USP24: variants seen among roughly 807,000 people sequenced by gnomAD.
The protein encoded by USP24 is ubiquitin carboxyl-terminal hydrolase 24.
USP24 carries 97 observed loss-of-function variants against 361.6 expected under a neutral mutation model. The ratio of observed to expected loss-of-function variants is 0.27; its 90% CI spans 0.23 to 0.32. The LOEUF is 0.32. USP24 is among the 10% of genes least tolerant of loss of function. The pLI is 1.00. For synonymous variants in USP24, 1,098 were observed against 1,124.6 expected, an observed-to-expected ratio of 0.98 and a Z score of 0.47; for missense variants, 2,353 against 3,165.6, an observed-to-expected ratio of 0.74 and a Z score of 6.16.
At chr1:55,126,973 ATT>A (rs1646449071) in intron 32 of USP24, among the ~76,000 whole-genome samples, 1 of 152,082 alleles carries the variant, frequency 6.6e-6, no homozygotes, top group Non-Finnish European at 1.5e-5. Context: ...TTTTATCTTT[ATT>A]CTTTTCTCCT....
Position 55,128,061 on chromosome 1 carries a change from A to G in USP24, c.3635+1416T>C, listed in dbSNP as rs558024378. On this transcript the variant is annotated intron_variant, in intron 32 of 67. Transcript: ENST00000294383. Reference sequence around the variant, plus strand: ...TTCACATGACTCAGAAGGACCTTGTATACAAACAAACTTATTTCTCTTGCT... The same window carrying G: ...TTCACATGACTCAGAAGGACCTTGTGTACAAACAAACTTATTTCTCTTGCT... 1.4e-4 allele frequency among the ~76,000 whole-genome samples: 21 copies of G among 152,350 alleles called. 1 individual carries two copies. In the South Asian group the frequency reaches 4.3e-3, roughly 32 times the overall value.
intron 1 of USP24, among the ~76,000 whole-genome samples, chr1:55,198,872 T>G (rs1290484550): frequency 6.6e-6 from 1 of 152,222 alleles, no homozygotes; most frequent in Non-Finnish European, 1.5e-5. Flanking sequence ...AATAATAAAA[T>G]ATCCTTGGGT....
At chr1:55,207,975 A>G (rs1241471394) in intron 1 of USP24, among the ~76,000 whole-genome samples, 1 of 152,244 alleles carries the variant, frequency 6.6e-6, no homozygotes, top group Non-Finnish European at 1.5e-5. Flanking sequence ...GAACAATCAC[A>G]TCTTCAACTC....
intron 12 of USP24, among the ~76,000 whole-genome samples, chr1:55,156,404 G>A (rs1246472592): frequency 6.6e-6 from 1 of 151,958 alleles, no homozygotes; most frequent in Non-Finnish European, 1.5e-5. Context: ...TAAAGTCAAA[G>A]TAGAAGAGAA....
intron 1 of USP24, among the ~76,000 whole-genome samples, chr1:55,191,829 T>C (rs542224619): frequency 2.3e-4 from 35 of 152,264 alleles, no homozygotes; most frequent in African/African-American, 7.2e-4. Flanking sequence ...TTTCATGGAA[T>C]TGATACACAG....
At chr1:55,081,891 A>G (rs1645156083) in intron 58 of USP24, among the ~76,000 whole-genome samples, 1 of 152,262 alleles carries the variant, frequency 6.6e-6, no homozygotes, top group Admixed American at 6.5e-5. Context: ...AAAAGTAGAA[A>G]TGTGCTCCAC....
Position 55,083,306 on chromosome 1 carries a change from C to T in USP24, c.6941G>A (p.Ser2314Asn). ...TTGCCGACTGGCCCCTAGGAGGAAGCTGATCATGTGCCGCAGAGCTGAATG... is the reference window on the plus strand; with the variant it reads ...TTGCCGACTGGCCCCTAGGAGGAAGTTGATCATGTGCCGCAGAGCTGAATG... ...LRHSALRHMISFLLGASRQNN... is the reference protein window; with the variant it reads ...LRHSALRHMINFLLGASRQNN... The change falls in exon 58 of 68, where the codon AGC becomes AAC. Residue 2314 changes from serine (S) to asparagine (N), a missense_variant. Ser to Asn is a conservative substitution (Grantham distance 46). Around this residue, in one of 8 missense-constraint regions of USP24, gnomAD observed 598 missense variants for 761.9 expected, o/e 0.78. Coordinates refer to ENST00000294383, the MANE Select transcript of USP24 (RefSeq NM_015306.3). The T allele has an allele frequency of 6.2e-7, 1 of 1,613,732 alleles. No homozygotes were observed. Among genetic ancestry groups the T allele is most frequent in the Non-Finnish European group, 8.5e-7 (1 of 1,179,706 alleles).
At chr1:55,097,804 TCTGA>T in intron 47 of USP24, 87 bp from the exon 48 acceptor site, 1 of 1,502,406 alleles carries the variant, frequency 6.7e-7, no homozygotes, top group South Asian at 1.4e-5. Context: ...CAAAGGCCTT[TCTGA>T]TCCATGTGAA....
In USP24 at chr1:55,072,385, T is replaced by A; in HGVS notation, c.7621A>T (p.Thr2541Ser). 1 of 1,613,400 alleles carries A rather than the reference T, an allele frequency of 6.2e-7. No homozygotes were observed. The highest frequency in any genetic ancestry group is 8.5e-7 in the Non-Finnish European group (1 of 1,179,718). The change falls in exon 66 of 68, where the codon ACA becomes TCA. Residue 2541 changes from threonine (T) to serine (S), a missense_variant. Thr to Ser is a moderately conservative substitution (Grantham distance 58). Transcript: ENST00000294383. ...LQKKMSEHYWTPQSNVSNETS... is the reference protein window; with the variant it reads ...LQKKMSEHYWSPQSNVSNETS... ...TCATTAGAGACATTACTCTGTGGTG[T>A]CCAGTAATGTTCTGACATCTGAGAT...
At chr1:55,193,046 G>A (rs1644330411) in intron 1 of USP24, among the ~76,000 whole-genome samples, 1 of 152,104 alleles carries the variant, frequency 6.6e-6, no homozygotes, top group Admixed American at 6.6e-5. Flanking sequence ...GTATTGAACG[G>A]ATCTAGACAT....
chr1:55,101,362 T>C (rs1296085963), intron 43 of USP24, among the ~76,000 whole-genome samples: 1 of 152,214 alleles, frequency 6.6e-6, no homozygotes, highest in African/African-American at 2.4e-5. Context: ...AAAATCACAT[T>C]AGGTCAAGTC....
Position 55,095,279 on chromosome 1 carries a change from C to T in USP24, c.6179G>A (p.Arg2060Gln), listed in dbSNP as rs1242364941. 12 of 1,613,460 alleles carry T rather than the reference C, an allele frequency of 7.4e-6. No individual in the cohort carries two copies. Among genetic ancestry groups the T allele is most frequent in the Admixed American group, 1.7e-5 (1 of 59,952 alleles). The change falls in exon 51 of 68, where the codon CGG becomes CAG. Residue 2060 changes from arginine (R) to glutamine (Q), a missense_variant. Physicochemically the swap from Arg to Gln is conservative, Grantham distance 43 (BLOSUM62 1). Transcript: ENST00000294383. ...LPKKSRVSVVRQEAEDLSLSA... is the reference protein window; with the variant it reads ...LPKKSRVSVVQQEAEDLSLSA... ...CAGAGAGAGATCCTCAGCTTCCTGC[C>T]GTACAACGCTGACTCGACTTTTCTT...
At chr1:55,161,009 A>G (rs1031314108) in intron 8 of USP24, among the ~76,000 whole-genome samples, 1 of 152,182 alleles carries the variant, frequency 6.6e-6, no homozygotes, top group Non-Finnish European at 1.5e-5. Flanking sequence ...ATATGTAAAC[A>G]GCCATCCTAT....
intron 1 of USP24, among the ~76,000 whole-genome samples, chr1:55,189,512 T>A (rs1265708230): frequency 6.6e-6 from 1 of 152,206 alleles, no homozygotes; most frequent in African/African-American, 2.4e-5. Context: ...ATATGAAATG[T>A]TCACAATAGG....
chr1:55,203,598 A>T (rs1359577934), intron 1 of USP24, among the ~76,000 whole-genome samples: 1 of 152,248 alleles, frequency 6.6e-6, no homozygotes, highest in Non-Finnish European at 1.5e-5. Flanking sequence ...TTCGTCTCCC[A>T]TATTACAATC....
chr1:55,106,607 G>A (rs1444605787), intron 40 of USP24, among the ~76,000 whole-genome samples: 3 of 152,168 alleles, frequency 2.0e-5, no homozygotes, highest in Non-Finnish European at 4.4e-5. Flanking sequence ...GCATAGGGGA[G>A]TCCACATAAG....
Position 55,214,686 on chromosome 1 carries a change from G to GTCAT in USP24, c.324+103_324+104insATGA. 7 of 984,080 alleles carry GTCAT rather than the reference G, an allele frequency of 7.1e-6. No individual in the cohort carries two copies. The South Asian group carries it at 3.5e-4, about 49-fold the overall frequency. The allele number at this position is 984,080 out of a possible 1,614,324, so 61.0% of individuals were successfully genotyped here. A position where few individuals can be genotyped will look rare whatever the true frequency, so the allele number is the denominator to read the frequency against. On this transcript the variant is annotated intron_variant, in intron 1 of 67. Coordinates refer to ENST00000294383, the MANE Select transcript of USP24 (RefSeq NM_015306.3). Reference sequence around the variant, plus strand: ...CCGCCCCGCCCCCACTAAAGCCCCAGTCGAATGCCCTCTCTCCCCACACCA... The same window carrying GTCAT: ...CCGCCCCGCCCCCACTAAAGCCCCAGTCATTCGAATGCCCTCTCTCCCCACACCA...
At position 55,120,656 on chromosome 1, in the gene USP24, A is replaced by T. The variant is rs1242810650; in HGVS notation, c.4448T>A (p.Ile1483Asn). The T allele has an allele frequency of 6.4e-7, 1 of 1,561,758 alleles. No individual in the cohort carries two copies. The highest frequency in any genetic ancestry group is 8.7e-7 in the Non-Finnish European group (1 of 1,151,840). ...QKPNQFLLGV[I>N]LTAQLPLWSP... ...CCAGAGAGGCAGCTGAGCCGTGAGG[A>T]TTACGCCTAGAAGAAACTGATTTGG... is the stretch of plus-strand genomic sequence containing the variant. The change falls in exon 38 of 68, where the codon ATC (isoleucine) becomes AAC (asparagine). Residue 1483 changes from isoleucine (I) to asparagine (N), a missense_variant. Physicochemically the swap from Ile to Asn is moderately radical, Grantham distance 149 (BLOSUM62 -3). Transcript: ENST00000294383.
intron 1 of USP24, among the ~76,000 whole-genome samples, chr1:55,203,891 C>G (rs1185100596): frequency 6.6e-6 from 1 of 152,152 alleles, no homozygotes; most frequent in Non-Finnish European, 1.5e-5. Flanking sequence ...AACATTTTCT[C>G]AAAATTAAAT....
Sources: allele counts gnomAD v4.1 joint callset (sites outside exome capture counted in the v4.1 genomes callset), GRCh38; gene constraint gnomAD v4.1.1; regional missense constraint gnomAD v4.1.1; transcripts MANE v1.5; gene names NCBI Gene and HGNC (gene_info 2026-07-23, HGNC 2026-07-21).